The following PLCL1 variants were observed in gnomAD, a reference collection of about 807,000 sequenced individuals.
PLCL1 encodes the protein inactive phospholipase C-like protein 1.
In PLCL1, 41 loss-of-function variants were observed where a neutral mutation model predicts 84.4. That is an observed-to-expected ratio of 0.49 (90% CI 0.38 to 0.63). The LOEUF is 0.63. PLCL1 is among the 30% of genes least tolerant of loss of function. The pLI is 0.00. For missense variants in PLCL1, 1,206 were observed against 1,367.8 expected (o/e 0.88, Z 1.87); for synonymous variants, 490 against 488.3 (o/e 1.00, Z -0.05).
chr2:198,124,088 T>G (rs1693932631), intron 5 of PLCL1, among the ~76,000 whole-genome samples: 1 of 152,084 alleles, frequency 6.6e-6, no homozygotes, highest in African/African-American at 2.4e-5. Flanking sequence ...GGACACAAAC[T>G]TAAAACTCCA....
At position 198,085,372 on chromosome 2, in the gene PLCL1, G is replaced by C. The variant is rs1224936027; in HGVS notation, c.1855G>C (p.Glu619Gln). 6.2e-7 allele frequency: 1 copy of C among 1,611,808 alleles called. No homozygotes were observed. Among genetic ancestry groups the C allele is most frequent in the South Asian group, 1.1e-5 (1 of 90,922 alleles). Residue 619 changes from glutamate to glutamine, a missense_variant, in exon 2 of 6, where the codon GAG (glutamate) becomes CAG (glutamine). Physicochemically the swap from Glu to Gln is conservative, Grantham distance 29. Coordinates refer to ENST00000428675, the MANE Select transcript of PLCL1 (RefSeq NM_006226.4). The surrounding 1 kb of genome is among the most constrained non-coding windows in gnomAD (Gnocchi z 5.3). ...YWEMCSFSETEASRIANEYPE... is the reference protein window; with the variant it reads ...YWEMCSFSETQASRIANEYPE... ...GGAAATGTGTTCATTTAGTGAAACA[G>C]AGGCCAGCCGCATTGCAAATGAGTA...
rs1489522055 is a variant in PLCL1 at position 198,133,422 on chromosome 2, G to T, written c.3106-13358G>T. Among the ~76,000 whole-genome samples, 9 of 150,556 alleles carry T rather than the reference G, an allele frequency of 6.0e-5. No homozygotes were observed. In the South Asian group the frequency reaches 8.5e-4, roughly 14 times the overall value. On this transcript the variant is annotated intron_variant, in intron 5 of 5. Coordinates refer to ENST00000428675, the MANE Select transcript of PLCL1 (RefSeq NM_006226.4). Reference sequence around the variant, plus strand: ...GGATAGCATTAGGAGATATACCTAAGGCTAGATGACGAGTTAGTGGGTGCA... The same window carrying T: ...GGATAGCATTAGGAGATATACCTAATGCTAGATGACGAGTTAGTGGGTGCA...
intron 1 of PLCL1, among the ~76,000 whole-genome samples, chr2:198,044,135 A>G (rs1276556077): frequency 1.3e-5 from 2 of 152,172 alleles, no homozygotes; most frequent in African/African-American, 4.8e-5. Flanking sequence ...ATAAGGTACA[A>G]ATGTACTGAG....
intron 1 of PLCL1, among the ~76,000 whole-genome samples, chr2:197,985,263 C>G (rs550652098): frequency 3.0e-4 from 45 of 152,192 alleles, no homozygotes; most frequent in African/African-American, 1.1e-3. Context: ...AAATGGGGAA[C>G]AAAACAACCA....
intron 1 of PLCL1, among the ~76,000 whole-genome samples, chr2:197,935,742 A>G (rs566517374): frequency 6.6e-6 from 1 of 152,320 alleles, no homozygotes; most frequent in African/African-American, 2.4e-5. Flanking sequence ...ACAAACCTGC[A>G]TGTGTACCCC....
intron 1 of PLCL1, among the ~76,000 whole-genome samples, chr2:197,947,020 T>C (rs1324974074): frequency 6.6e-6 from 1 of 152,052 alleles, no homozygotes; most frequent in East Asian, 1.9e-4. Flanking sequence ...ATGGGTTTGC[T>C]TATGGGTTCA....
chr2:198,136,547 C>T (rs1173990748), intron 5 of PLCL1, among the ~76,000 whole-genome samples: 1 of 151,818 alleles, frequency 6.6e-6, no homozygotes, highest in Non-Finnish European at 1.5e-5. Context: ...AATGAGGAAT[C>T]CTTAGAATCA....
intron 1 of PLCL1, among the ~76,000 whole-genome samples, chr2:198,035,050 A>G (rs965654077): frequency 3.3e-4 from 50 of 152,206 alleles, no homozygotes; most frequent in African/African-American, 1.1e-3. Context: ...GGTATCTGCC[A>G]TATTTCTGCA....
intron 1 of PLCL1, among the ~76,000 whole-genome samples, chr2:197,889,390 C>T (rs1340829730): frequency 6.6e-6 from 1 of 152,152 alleles, no homozygotes; most frequent in African/African-American, 2.4e-5. Flanking sequence ...ATAAGTTGTA[C>T]TCAAACTCTG....
Position 198,084,777 on chromosome 2 carries a change from C to A in PLCL1, c.1260C>A (p.Asp420Glu). Residue 420 changes from aspartate to glutamate, a missense_variant, in exon 2 of 6, where the codon GAC becomes GAA. Physicochemically the swap from Asp to Glu is conservative, Grantham distance 45. Coordinates refer to ENST00000428675, the MANE Select transcript of PLCL1 (RefSeq NM_006226.4). ...CTCATAACACCTATCTAATAGAAGA[C>A]CAGTTCAGGGGGCCAGCTGACATCA... is the stretch of plus-strand genomic sequence containing the variant. ...NASHNTYLIE[D>E]QFRGPADING... The A allele has an allele frequency of 6.2e-7, 1 of 1,614,060 alleles. No homozygotes were observed. The highest frequency in any genetic ancestry group is 8.5e-7 in the Non-Finnish European group (1 of 1,179,974).
At chr2:197,975,147 CAA>C (rs71015804) in intron 1 of PLCL1, among the ~76,000 whole-genome samples, 152 of 19,864 alleles carry the variant, frequency 7.7e-3, no homozygotes, top group African/African-American at 0.024. Context: ...GACTCCATCT[CAA>C]AAAAAAAAAA....
At chr2:198,019,232 A>G (rs1206956630) in intron 1 of PLCL1, among the ~76,000 whole-genome samples, 1 of 152,252 alleles carries the variant, frequency 6.6e-6, no homozygotes, top group African/African-American at 2.4e-5. Context: ...TCCTAAGGTC[A>G]CCAACAGCAA....
intron 1 of PLCL1, among the ~76,000 whole-genome samples, chr2:197,867,113 A>G (rs956825200): frequency 6.6e-6 from 1 of 152,182 alleles, no homozygotes; most frequent in Admixed American, 6.5e-5. Context: ...CAGAATGATA[A>G]GCCTTCCTTG....
At chr2:197,859,704 T>C (rs888984860) in intron 1 of PLCL1, among the ~76,000 whole-genome samples, 15 of 152,194 alleles carry the variant, frequency 9.9e-5, no homozygotes, top group African/African-American at 3.6e-4. Context: ...TATTGTGTTA[T>C]GATTGTTATA....
chr2:197,923,427 C>T (rs1688760608), intron 1 of PLCL1, among the ~76,000 whole-genome samples: 1 of 147,568 alleles, frequency 6.8e-6, no homozygotes, highest in African/African-American at 2.5e-5. Flanking sequence ...CAGAGGGTCT[C>T]CTCACTTCTC....
At chr2:198,128,361 C>T (rs955691898) in intron 5 of PLCL1, among the ~76,000 whole-genome samples, 3 of 151,996 alleles carry the variant, frequency 2.0e-5, no homozygotes, top group African/African-American at 4.8e-5. Flanking sequence ...GCCAGCTGTG[C>T]GGGAATCTGG....
intron 3 of PLCL1, among the ~76,000 whole-genome samples, chr2:198,094,125 G>C (rs919491583): frequency 6.6e-5 from 10 of 151,922 alleles, no homozygotes; most frequent in African/African-American, 2.2e-4. Flanking sequence ...ACAGTGGCGC[G>C]ATCTCAGCTC....
At chr2:197,906,319 C>A (rs1284781701) in intron 1 of PLCL1, among the ~76,000 whole-genome samples, 1 of 151,422 alleles carries the variant, frequency 6.6e-6, no homozygotes, top group Non-Finnish European at 1.5e-5. Flanking sequence ...ATAGGGAATC[C>A]TTTCCCTATT....
chr2:197,970,751 C>T (rs868834448), intron 1 of PLCL1, among the ~76,000 whole-genome samples: 8 of 152,010 alleles, frequency 5.3e-5, no homozygotes, highest in African/African-American at 1.9e-4. Flanking sequence ...ACCTTTTTTT[C>T]CCCCACAACA....
Sources: allele counts gnomAD v4.1 joint callset (sites outside exome capture counted in the v4.1 genomes callset), GRCh38; gene constraint gnomAD v4.1.1; non-coding constraint Gnocchi (gnomAD v3.1); transcripts MANE v1.5; gene names NCBI Gene and HGNC (gene_info 2026-07-23, HGNC 2026-07-21).